Variants in TIMP2 observed in about 807,000 individuals in gnomAD.
The protein encoded by TIMP2 is TIMP metallopeptidase inhibitor 2.
In TIMP2, 5 loss-of-function variants were observed where a neutral mutation model predicts 24.3. That is an observed-to-expected ratio of 0.21 (90% CI 0.11 to 0.43). The LOEUF (loss-of-function observed/expected upper bound fraction) is 0.43, where lower values mean the gene tolerates loss of function less well. Among genes scored for constraint, TIMP2 ranks in the 20% least tolerant of loss-of-function variants. The pLI is 1.00. For synonymous variants in TIMP2, 130 were observed against 123.2 expected (o/e 1.06, Z -0.37); for missense variants, 221 against 297.5 (o/e 0.74, Z 1.89).
In TIMP2 at chr17:78,853,702, A is replaced by G. The variant is rs1300020936; in HGVS notation, c.*1965T>C. ...CGATGCAGAAACCTTTTTTTAAAAA[A>G]GTGCAAGTCTAATACCTACCAAGGG... On this transcript the variant is annotated 3_prime_UTR_variant, in exon 5 of 5. Coordinates refer to ENST00000262768, the MANE Select transcript of TIMP2 (RefSeq NM_003255.5). 2 of 152,646 alleles carry G rather than the reference A, an allele frequency of 1.3e-5. No individual in the cohort carries two copies. Among genetic ancestry groups the G allele is most frequent in the Non-Finnish European group, 2.9e-5 (2 of 68,060 alleles). The allele number at this position is 152,646 out of a possible 1,614,324, so 9.5% of individuals were successfully genotyped here.
At chr17:78,870,740 T>C (rs1429564017) in intron 3 of TIMP2, among the ~76,000 whole-genome samples, 158 bp downstream of exon 3, 1 of 152,102 alleles carries the variant, frequency 6.6e-6, no homozygotes, top group Non-Finnish European at 1.5e-5. Context: ...TAGCATTCTC[T>C]GACGGGAAGT....
chr17:78,923,639 A>C (rs2070326668), intron 1 of TIMP2, among the ~76,000 whole-genome samples: 1 of 151,264 alleles, frequency 6.6e-6, no homozygotes, highest in African/African-American at 2.4e-5. Flanking sequence ...CCAAGGCTAA[A>C]CTGGAGAAAA....
At chr17:78,881,503 C>T (rs1448968456) in intron 1 of TIMP2, among the ~76,000 whole-genome samples, 1 of 152,270 alleles carries the variant, frequency 6.6e-6, no homozygotes, top group African/African-American at 2.4e-5. Context: ...CCACTGCATG[C>T]ATCCCAGGGG....
intron 1 of TIMP2, among the ~76,000 whole-genome samples, chr17:78,876,912 A>AC (rs2069733038): frequency 4.9e-5 from 3 of 61,806 alleles, no homozygotes; most frequent in Admixed American, 2.0e-4. Flanking sequence ...CCCAGCTAAA[A>AC]TAGCCCTTTT....
At chr17:78,868,973 T>C (rs1169854627) in intron 3 of TIMP2, among the ~76,000 whole-genome samples, 1 of 152,182 alleles carries the variant, frequency 6.6e-6, no homozygotes, top group African/African-American at 2.4e-5. Flanking sequence ...TATCCTATAA[T>C]GCATAAGGTA....
intron 1 of TIMP2, among the ~76,000 whole-genome samples, chr17:78,881,016 C>T (rs2069775081): frequency 6.6e-6 from 1 of 152,218 alleles, no homozygotes; most frequent in South Asian, 2.1e-4. Flanking sequence ...AGAAGGTGGC[C>T]CACTGTCCCT....
At chr17:78,890,256 C>T (rs1339257605) in intron 1 of TIMP2, among the ~76,000 whole-genome samples, 1 of 146,716 alleles carries the variant, frequency 6.8e-6, no homozygotes, top group Non-Finnish European at 1.5e-5. Flanking sequence ...GGCTGGAGTA[C>T]AGTGGTGCAA....
At position 78,924,578 on chromosome 17, in the gene TIMP2, T is replaced by C. The variant is rs1189283588; in HGVS notation, c.130+381A>G. Among the ~76,000 whole-genome samples, 1 of 151,866 alleles carries C rather than the reference T, an allele frequency of 6.6e-6. No individual in the cohort carries two copies. The highest frequency in any genetic ancestry group is 1.5e-5 in the Non-Finnish European group (1 of 67,946). On this transcript the variant is annotated intron_variant, in intron 1 of 4. Coordinates refer to ENST00000262768, the MANE Select transcript of TIMP2 (RefSeq NM_003255.5). The surrounding 1 kb of genome is among the most constrained non-coding windows in gnomAD (Gnocchi z 5.3). ...CACCTTATCTGCGAAAGTTTCTTCC[T>C]GGGGTCCCCAGTCCTCCAGCCCCCC...
intron 1 of TIMP2, among the ~76,000 whole-genome samples, chr17:78,918,056 GCACACACAAACA>G (rs1457847256): frequency 7.5e-5 from 4 of 53,242 alleles, no homozygotes; most frequent in African/African-American, 2.5e-4. Context: ...ACGTACGCGT[GCACACACAAACA>G]CACACACACA....
At chr17:78,910,335 G>A (rs1199193232) in intron 1 of TIMP2, among the ~76,000 whole-genome samples, 2 of 151,904 alleles carry the variant, frequency 1.3e-5, no homozygotes, top group Non-Finnish European at 2.9e-5. Flanking sequence ...TGGGATCACA[G>A]GTACACACCA....
At chr17:78,893,318 GGTGT>G (rs1308542448) in intron 1 of TIMP2, among the ~76,000 whole-genome samples, 4 of 129,530 alleles carry the variant, frequency 3.1e-5, no homozygotes, top group African/African-American at 5.9e-5. Context: ...TATGTGCAAG[GGTGT>G]GTGTGTCTCC....
At chr17:78,890,435 C>G (rs1335494720) in intron 1 of TIMP2, 1 of 531,570 alleles carries the variant, frequency 1.9e-6, no homozygotes, top group Non-Finnish European at 3.2e-6. Context: ...CTCCTGACCT[C>G]AGGTGATCCT....
chr17:78,893,302 GGGGTGTATGTGCAA>G (rs2069940064), intron 1 of TIMP2, among the ~76,000 whole-genome samples: 1 of 133,508 alleles, frequency 7.5e-6, no homozygotes, highest in South Asian at 2.5e-4. Context: ...TGTGTGTGCA[GGGGTGTATGTGCAA>G]GGGTGTGTGT....
intron 1 of TIMP2, among the ~76,000 whole-genome samples, chr17:78,877,359 A>C (rs1429778041): frequency 1.3e-5 from 2 of 152,198 alleles, no homozygotes; most frequent in African/African-American, 2.4e-5. Flanking sequence ...CGGGCGGATC[A>C]CTTGAGGTCA....
chr17:78,899,588 G>C (rs1430027926), intron 1 of TIMP2: 1 of 152,234 alleles, frequency 6.6e-6, no homozygotes, highest in East Asian at 1.9e-4. Flanking sequence ...AGAGGCTTGA[G>C]AACGGTCAAG....
intron 4 of TIMP2, chr17:78,857,180 G>A (rs2069530484): frequency 3.9e-6 from 1 of 255,024 alleles, no homozygotes; most frequent in Non-Finnish European, 7.8e-6. Context: ...TAGAGACAGG[G>A]TTTCGCCATG....
intron 3 of TIMP2, among the ~76,000 whole-genome samples, chr17:78,860,034 G>C (rs1051398555): frequency 7.9e-5 from 12 of 151,864 alleles, no homozygotes; most frequent in Admixed American, 7.9e-4. Flanking sequence ...AAATTAGCCG[G>C]GTGTGGTGGC....
intron 4 of TIMP2, 194 bp from the exon 5 acceptor site, chr17:78,856,058 T>A: frequency 1.6e-6 from 1 of 613,118 alleles, no homozygotes; most frequent in Non-Finnish European, 2.9e-6. Context: ...GCAGGGAAGC[T>A]GTGCCCTGCC....
intron 1 of TIMP2, among the ~76,000 whole-genome samples, chr17:78,874,474 C>A (rs1470372649): frequency 2.6e-5 from 4 of 152,176 alleles, no homozygotes; most frequent in Admixed American, 2.0e-4. Flanking sequence ...CTTAAAGGGG[C>A]CTTAAACGTA....
Sources: allele counts gnomAD v4.1 joint callset (sites outside exome capture counted in the v4.1 genomes callset), GRCh38; gene constraint gnomAD v4.1.1; non-coding constraint Gnocchi (gnomAD v3.1); transcripts MANE v1.5; gene names NCBI Gene and HGNC (gene_info 2026-07-23, HGNC 2026-07-21).